Variants in DPP10 observed in about 807,000 individuals in gnomAD.
DPP10 encodes inactive dipeptidyl peptidase 10.
A neutral mutation model predicts 120.9 loss-of-function variants in DPP10; 33 were observed. The ratio of observed to expected loss-of-function variants is 0.27; its 90% CI spans 0.21 to 0.37. The LOEUF is 0.37. Ranked by LOEUF, DPP10 falls within the 10% of genes least tolerant of loss-of-function variation. The pLI is 1.00. For missense variants in DPP10, 816 were observed against 942.8 expected (o/e 0.87, Z 1.76); for synonymous variants, 337 against 326.1 (o/e 1.03, Z -0.36).
At chr2:115,123,417 A>C (rs2049921655) in intron 1 of DPP10, among the ~76,000 whole-genome samples, 2 of 152,104 alleles carry the variant, frequency 1.3e-5, no homozygotes, top group African/African-American at 4.8e-5. Context: ...GCCTGCTAGC[A>C]CTTGGGAGGG....
intron 1 of DPP10, among the ~76,000 whole-genome samples, chr2:114,481,654 T>A (rs76618482): frequency 1.3e-4 from 20 of 152,230 alleles, no homozygotes; most frequent in African/African-American, 4.3e-4. Context: ...ACAACTTAGA[T>A]GAGTCTTCAG....
intron 3 of DPP10, among the ~76,000 whole-genome samples, chr2:115,460,512 A>G (rs1228513805): frequency 6.6e-6 from 1 of 152,268 alleles, no homozygotes; most frequent in South Asian, 2.1e-4. Flanking sequence ...TAACAGTCTA[A>G]AGTTAATTAT....
intron 1 of DPP10, among the ~76,000 whole-genome samples, chr2:114,775,351 A>G (rs1002262180): frequency 1.1e-4 from 16 of 152,122 alleles, no homozygotes; most frequent in Admixed American, 1.0e-3. Flanking sequence ...AGGTGTCTAA[A>G]AGCCCTTTCT....
intron 17 of DPP10, among the ~76,000 whole-genome samples, chr2:115,784,816 G>A: frequency 6.6e-6 from 1 of 152,142 alleles, no homozygotes; most frequent in East Asian, 1.9e-4. Context: ...ACAGCCATGA[G>A]CCACCATGCC....
At chr2:115,051,418 T>TAAATA (rs1705474089) in intron 1 of DPP10, among the ~76,000 whole-genome samples, 1 of 151,560 alleles carries the variant, frequency 6.6e-6, no homozygotes, top group South Asian at 2.1e-4. Context: ...CATTCCATAA[T>TAAATA]AAATAAAAAC....
At chr2:114,511,704 C>T (rs1456706859) in intron 1 of DPP10, among the ~76,000 whole-genome samples, 3 of 152,174 alleles carry the variant, frequency 2.0e-5, no homozygotes, top group Non-Finnish European at 4.4e-5. Flanking sequence ...AGTGAAGACA[C>T]ACAGGATATG....
intron 3 of DPP10, among the ~76,000 whole-genome samples, chr2:115,398,214 G>A (rs1353523469): frequency 6.6e-6 from 1 of 150,642 alleles, no homozygotes; most frequent in African/African-American, 2.4e-5. Context: ...GTTATATTAA[G>A]CTGCCTCTTA....
chr2:114,942,360 T>TATATATACACAC (rs1697011512), intron 1 of DPP10, among the ~76,000 whole-genome samples: 1 of 116,642 alleles, frequency 8.6e-6, no homozygotes, highest in African/African-American at 3.6e-5. Flanking sequence ...CATATATATA[T>TATATATACACAC]ACATATATAT....
At chr2:114,495,133 T>A (rs1021885168) in intron 1 of DPP10, among the ~76,000 whole-genome samples, 2 of 152,104 alleles carry the variant, frequency 1.3e-5, no homozygotes, top group South Asian at 4.1e-4. Flanking sequence ...GTAAAAAAAA[T>A]GTGAACGTTT....
chr2:114,971,142 A>T (rs1326585088), intron 1 of DPP10, among the ~76,000 whole-genome samples: 1 of 152,182 alleles, frequency 6.6e-6, no homozygotes, highest in Non-Finnish European at 1.5e-5. Context: ...TACTAGTGTT[A>T]TCACATTTAG....
intron 1 of DPP10, among the ~76,000 whole-genome samples, chr2:114,597,647 A>G (rs921916456): frequency 2.0e-5 from 3 of 152,004 alleles, no homozygotes; most frequent in East Asian, 1.9e-4. Flanking sequence ...GCTCTCCTCC[A>G]TGAATCCCAC....
At chr2:114,487,092 G>A (rs1170676337) in intron 1 of DPP10, among the ~76,000 whole-genome samples, 1 of 152,126 alleles carries the variant, frequency 6.6e-6, no homozygotes, top group Non-Finnish European at 1.5e-5. Context: ...TGATAGTGTT[G>A]TGCTTTCATA....
In DPP10 at chr2:115,190,290, G is replaced by A. The variant is rs575727686; in HGVS notation, c.61-118949G>A. Among the ~76,000 whole-genome samples the A allele has an allele frequency of 7.2e-5, 11 of 152,168 alleles. No homozygotes were observed. The East Asian group carries it at 2.1e-3, about 30-fold the overall frequency. On this transcript the variant is annotated intron_variant, in intron 1 of 25. Coordinates refer to ENST00000410059, the MANE Select transcript of DPP10 (RefSeq NM_020868.6). The stretch of plus-strand genomic sequence containing the variant: ...TGGTACTCCTCGTGGAACTCCAATA[G>A]CATCTATGTAAACATGGGGGTCAAA...
rs931377390 is a variant in DPP10, at chr2:115,539,958, C to T, written c.441+13986C>T. Among the ~76,000 whole-genome samples the T allele has an allele frequency of 4.6e-5, 7 of 151,760 alleles. No individual in the cohort carries two copies. In the East Asian group the frequency reaches 7.7e-4, roughly 17 times the overall value. ...ACTAATTAATTTTCAATTGTTTTCA[C>T]GCTGCCTATTTTAAAAAGGAAAACA... On this transcript the variant is annotated intron_variant, in intron 5 of 25. Coordinates refer to ENST00000410059, the MANE Select transcript of DPP10 (RefSeq NM_020868.6).
chr2:115,613,572 A>T (rs975279489), intron 5 of DPP10, among the ~76,000 whole-genome samples: 1 of 152,178 alleles, frequency 6.6e-6, no homozygotes, highest in African/African-American at 2.4e-5. Flanking sequence ...TAGCAGAGTC[A>T]TTCTTCCAAT....
At chr2:115,250,705 C>T (rs879499694) in intron 1 of DPP10, among the ~76,000 whole-genome samples, 2 of 152,206 alleles carry the variant, frequency 1.3e-5, no homozygotes, top group African/African-American at 2.4e-5. Context: ...TTACTGGCAA[C>T]TTAGAAAGCC....
chr2:115,208,443 T>C (rs1237113657), intron 1 of DPP10, among the ~76,000 whole-genome samples: 1 of 152,134 alleles, frequency 6.6e-6, no homozygotes, highest in Non-Finnish European at 1.5e-5. Context: ...AAGAGTAACT[T>C]CTTTTAATGT....
At chr2:115,401,975 G>T (rs2068104426) in intron 3 of DPP10, among the ~76,000 whole-genome samples, 1 of 152,206 alleles carries the variant, frequency 6.6e-6, no homozygotes, top group African/African-American at 2.4e-5. Context: ...GGCGGAGTAG[G>T]ATTCTTGGGC....
At chr2:115,743,278 G>A (rs1280526646) in intron 9 of DPP10, among the ~76,000 whole-genome samples, 2 of 152,092 alleles carry the variant, frequency 1.3e-5, no homozygotes, top group African/African-American at 2.4e-5. Flanking sequence ...GAGAATGCTG[G>A]ACTGTTGAAT....
Sources: gnomAD v4.1 joint callset for allele counts (sites outside exome capture counted in the v4.1 genomes callset) on GRCh38, gnomAD v4.1.1 for gene constraint, MANE v1.5 for transcripts, NCBI Gene and HGNC (gene_info 2026-07-23, HGNC 2026-07-21) for gene names.